SRGAP1: variants seen among roughly 807,000 people sequenced by gnomAD.
SRGAP1 encodes the protein SLIT-ROBO Rho GTPase activating protein 1.
A neutral mutation model predicts 121.9 loss-of-function variants in SRGAP1; 43 were observed. That is an observed-to-expected ratio of 0.35 (90% CI 0.28 to 0.46). SRGAP1 has a LOEUF of 0.46. SRGAP1 is among the 20% of genes least tolerant of loss of function. SRGAP1 has a pLI of 1.00. For synonymous variants in SRGAP1, 447 were observed against 485.4 expected (o/e 0.92, Z 1.04); for missense variants, 1,102 against 1,350.9 (o/e 0.82, Z 2.89).
chr12:64,072,771 AAC>A (rs1401017328), intron 8 of SRGAP1, among the ~76,000 whole-genome samples: 3 of 152,240 alleles, frequency 2.0e-5, no homozygotes, highest in Admixed American at 6.5e-5. Flanking sequence ...TTAGCAGGCT[AAC>A]ACAGTGCATT....
At chr12:64,081,262 G>A (rs2035833307) in intron 10 of SRGAP1, 1 of 151,996 alleles carries the variant, frequency 6.6e-6, no homozygotes, top group South Asian at 2.1e-4. Flanking sequence ...GAGTAACTCA[G>A]GTCAAAAAAG....
At chr12:64,018,565 G>A (rs1447198388) in intron 4 of SRGAP1, among the ~76,000 whole-genome samples, 1 of 152,074 alleles carries the variant, frequency 6.6e-6, no homozygotes, top group Non-Finnish European at 1.5e-5. Flanking sequence ...TTTATAAAAT[G>A]ATTCTTTATA....
In SRGAP1 at chr12:64,148,683, T is replaced by C. The variant is rs1196508411; in HGVS notation, c.*6011T>C. 6.6e-6 allele frequency: 1 copy of C among 152,200 alleles called. No individual in the cohort carries two copies. The highest frequency in any genetic ancestry group is 1.5e-5 in the Non-Finnish European group (1 of 68,028). The allele number at this position is 152,200 out of a possible 1,614,324, so 9.4% of individuals were successfully genotyped here. ...AATGTAAGTTGTGCAAGATTGAATATTGATAAGATATAAAGTTTAAAAAAT... is the reference window on the plus strand; with the variant it reads ...AATGTAAGTTGTGCAAGATTGAATACTGATAAGATATAAAGTTTAAAAAAT... On this transcript the variant is annotated 3_prime_UTR_variant, in exon 22 of 22. Transcript: ENST00000355086.
At chr12:63,988,717 A>T (rs1174976146) in intron 2 of SRGAP1, among the ~76,000 whole-genome samples, 1 of 152,224 alleles carries the variant, frequency 6.6e-6, no homozygotes, top group African/African-American at 2.4e-5. Flanking sequence ...AACATGTCTG[A>T]TTAAAGGGTG....
chr12:64,078,499 G>A (rs1237124971), intron 8 of SRGAP1, among the ~76,000 whole-genome samples: 2 of 152,180 alleles, frequency 1.3e-5, no homozygotes, highest in African/African-American at 4.8e-5. Flanking sequence ...ATGGTAATTG[G>A]GAGAGGCACA....
At chr12:63,917,432 G>C (rs1280063077) in intron 1 of SRGAP1, among the ~76,000 whole-genome samples, 1 of 152,100 alleles carries the variant, frequency 6.6e-6, no homozygotes, top group African/African-American at 2.4e-5. Context: ...ATATAGGTCA[G>C]TTCACTGAAA....
At chr12:64,082,779 C>T (rs1226745369) in intron 10 of SRGAP1, among the ~76,000 whole-genome samples, 1 of 152,074 alleles carries the variant, frequency 6.6e-6, no homozygotes, top group Non-Finnish European at 1.5e-5. Flanking sequence ...TTTTTTTCAA[C>T]GGGCTCTGGT....
intron 1 of SRGAP1, among the ~76,000 whole-genome samples, chr12:63,893,346 A>G (rs1900649763): frequency 6.6e-6 from 1 of 152,234 alleles, no homozygotes; most frequent in Non-Finnish European, 1.5e-5. Flanking sequence ...AAGGCTTAGT[A>G]GTCATTATAT....
chr12:63,866,016 G>A (rs1161398494), intron 1 of SRGAP1, among the ~76,000 whole-genome samples: 1 of 152,006 alleles, frequency 6.6e-6, no homozygotes, highest in Non-Finnish European at 1.5e-5. Flanking sequence ...ATAGTTTGTT[G>A]TTATTTTGCA....
intron 4 of SRGAP1, among the ~76,000 whole-genome samples, chr12:64,027,426 C>G (rs2034677783): frequency 6.6e-6 from 1 of 151,856 alleles, no homozygotes; most frequent in Non-Finnish European, 1.5e-5. Flanking sequence ...GAGAAAATTG[C>G]AGAGAGGAAA....
rs890382383 is a variant in SRGAP1 at position 64,146,560 on chromosome 12, G to A, written c.*3888G>A. 6.6e-6 allele frequency: 1 copy of A among 152,128 alleles called. No homozygotes were observed. Among genetic ancestry groups the A allele is most frequent in the Admixed American group, 6.5e-5 (1 of 15,280 alleles). The allele number at this position is 152,128 out of a possible 1,614,324, so 9.4% of individuals were successfully genotyped here. On this transcript the variant is annotated 3_prime_UTR_variant, in exon 22 of 22. Coordinates refer to ENST00000355086, the MANE Select transcript of SRGAP1 (RefSeq NM_020762.4). ...TGTGTCTCTTGAGGCGGGGGTTAGA[G>A]GATTCAAATTTGGGATGATGCTCAT...
chr12:63,941,176 A>T (rs1242770249), intron 1 of SRGAP1, among the ~76,000 whole-genome samples: 1 of 151,780 alleles, frequency 6.6e-6, no homozygotes, highest in African/African-American at 2.4e-5. Context: ...AATATATATT[A>T]ATTAGCTTTC....
Position 64,152,196 on chromosome 12 carries a change from C to T in SRGAP1, c.*9524C>T, listed in dbSNP as rs934258255. The stretch of plus-strand genomic sequence containing the variant: ...CAGACTCCATGCTACAAATGTTAAC[C>T]CTCATAAGAAAGCCAAGAGAGCCAC... On this transcript the variant is annotated 3_prime_UTR_variant, in exon 22 of 22. Coordinates refer to ENST00000355086, the MANE Select transcript of SRGAP1 (RefSeq NM_020762.4). The T allele has an allele frequency of 6.6e-6, 1 of 152,136 alleles. No individual in the cohort carries two copies. The highest frequency in any genetic ancestry group is 1.9e-4 in the East Asian group (1 of 5,192). 9.4% of individuals were successfully genotyped at this position (152,136 alleles called of 1,614,324 possible).
intron 4 of SRGAP1, among the ~76,000 whole-genome samples, chr12:64,027,194 A>G (rs1282888659): frequency 6.6e-6 from 1 of 152,134 alleles, no homozygotes; most frequent in Non-Finnish European, 1.5e-5. Flanking sequence ...TTTCCCAACA[A>G]CCATGGGAGG....
chr12:64,069,576 C>T (rs2035604221), intron 8 of SRGAP1, among the ~76,000 whole-genome samples: 1 of 152,178 alleles, frequency 6.6e-6, no homozygotes, highest in African/African-American at 2.4e-5. Flanking sequence ...GGCCTGCTGC[C>T]ACACAGCCTT....
intron 1 of SRGAP1, chr12:63,982,729 C>T (rs188792434): frequency 8.7e-4 from 133 of 152,312 alleles, no homozygotes; most frequent in African/African-American, 3.0e-3. Flanking sequence ...AAGAAGTTTT[C>T]CAGCATGATG....
chr12:64,052,482 G>A (rs562805263), intron 6 of SRGAP1, among the ~76,000 whole-genome samples: 2 of 152,058 alleles, frequency 1.3e-5, no homozygotes, highest in Non-Finnish European at 2.9e-5. Context: ...TTGAACCTGG[G>A]AGGTGGATGT....
chr12:64,091,791 ATTATATTG>A, intron 12 of SRGAP1: 1 of 855,444 alleles, frequency 1.2e-6, no homozygotes, highest in South Asian at 1.6e-5. Flanking sequence ...TGAGGAATTC[ATTATATTG>A]AATGAATTGT....
intron 1 of SRGAP1, among the ~76,000 whole-genome samples, chr12:63,982,366 C>T (rs1161127920): frequency 6.6e-6 from 1 of 152,146 alleles, no homozygotes; most frequent in Non-Finnish European, 1.5e-5. Flanking sequence ...ACTCCTTAAA[C>T]TTCAATTATT....
Sources: gnomAD v4.1 joint callset for allele counts (sites outside exome capture counted in the v4.1 genomes callset) on GRCh38, gnomAD v4.1.1 for gene constraint, MANE v1.5 for transcripts, NCBI Gene and HGNC (gene_info 2026-07-23, HGNC 2026-07-21) for gene names.